Variants in MYO18B observed in about 807,000 individuals in gnomAD.
MYO18B encodes unconventional myosin-XVIIIb.
In MYO18B, 204 loss-of-function variants were observed where a neutral mutation model predicts 273.0. The ratio of observed to expected loss-of-function variants is 0.75; its 90% confidence interval spans 0.67 to 0.84. The LOEUF (loss-of-function observed/expected upper bound fraction) is 0.84, where lower values mean the gene tolerates loss of function less well. Ranked by LOEUF, MYO18B falls within the 40% of genes least tolerant of loss-of-function variation. The probability of loss-of-function intolerance (pLI) is 0.00; values close to 1 mark genes in which losing one functional copy is unlikely to be tolerated. For synonymous variants in MYO18B, 1,330 were observed against 1,305.7 expected (o/e 1.02, Z -0.40); for missense variants, 3,212 against 3,287.6 (o/e 0.98, Z 0.56).
chr22:25,774,567 A>G (rs1208163426), intron 7 of MYO18B, among the ~76,000 whole-genome samples: 1 of 152,100 alleles, frequency 6.6e-6, no homozygotes, highest in African/African-American at 2.4e-5. Flanking sequence ...TCCCTTCCTA[A>G]CCCTGGGGTG....
chr22:25,749,256 T>C (rs2085868972), intron 1 of MYO18B, among the ~76,000 whole-genome samples: 1 of 152,150 alleles, frequency 6.6e-6, no homozygotes, highest in Non-Finnish European at 1.5e-5. Context: ...CCAAGAAATG[T>C]GTGCAGGGTT....
Position 25,967,236 on chromosome 22 carries a change from T to C in MYO18B, c.6156+11872T>C, listed in dbSNP as rs1475775958. On this transcript the variant is annotated intron_variant, in intron 39 of 43. Coordinates refer to ENST00000335473, the MANE Select transcript of MYO18B (RefSeq NM_032608.7). ...AAAAAAGAAAGGGGAGAGATATTGA[T>C]TGAATATGGCAGGAGTATATTAAAT... Among the ~76,000 whole-genome samples, 6 of 152,344 alleles carry C rather than the reference T, an allele frequency of 3.9e-5. No individual in the cohort carries two copies. In the South Asian group the frequency reaches 1.0e-3, roughly 26 times the overall value.
chr22:25,847,620 AC>A lies in MYO18B; in HGVS notation c.3744del (p.His1248GlnfsTer34). 1 of 1,562,274 alleles carries A rather than the reference AC, an allele frequency of 6.4e-7. No homozygotes were observed. Among genetic ancestry groups the A allele is most frequent in the East Asian group, 2.4e-5 (1 of 41,810 alleles). ...CTGAGGGTCCAGCTTGCTGGGTTCC[AC>A]ATCCTGGAGGCTCTGCGTCTGCATA... ...PALRVQLAGF[H>X]ILEALRLHRT... On this transcript the variant is annotated frameshift_variant, in exon 20 of 44. Transcript: ENST00000335473. LOFTEE classifies it high-confidence loss of function.
At chr22:25,810,857 A>G (rs1346340058) in intron 12 of MYO18B, among the ~76,000 whole-genome samples, 1 of 152,126 alleles carries the variant, frequency 6.6e-6, no homozygotes, top group Non-Finnish European at 1.5e-5. Flanking sequence ...GTGATGAACC[A>G]ATACTGATAC....
chr22:25,880,081 T>C (rs2091297414), intron 25 of MYO18B, among the ~76,000 whole-genome samples: 1 of 152,162 alleles, frequency 6.6e-6, no homozygotes, highest in Non-Finnish European at 1.5e-5. Flanking sequence ...TTATGTTGCA[T>C]GTGGTCAGCA....
chr22:25,927,250 C>T (rs1050229286), intron 34 of MYO18B, among the ~76,000 whole-genome samples: 1 of 152,328 alleles, frequency 6.6e-6, no homozygotes, highest in East Asian at 1.9e-4. Flanking sequence ...AGCCATATTT[C>T]TCTTCTTTCA....
chr22:25,777,903 A>C, intron 8 of MYO18B, 122 bp downstream of exon 8: 1 of 946,494 alleles, frequency 1.1e-6, no homozygotes. Context: ...ATATGTGCAG[A>C]CCCCATGCTT....
At chr22:25,898,750 G>A in intron 29 of MYO18B, 1 of 363,688 alleles carries the variant, frequency 2.7e-6, no homozygotes, top group South Asian at 4.1e-5. Flanking sequence ...GTCGAGTGAA[G>A]GGTTTGTTGC....
At chr22:25,759,503 A>G (rs1244365389) in intron 1 of MYO18B, among the ~76,000 whole-genome samples, 1 of 151,844 alleles carries the variant, frequency 6.6e-6, no homozygotes, top group East Asian at 1.9e-4. Flanking sequence ...GGAACATCAC[A>G]CACTGGGGCC....
In MYO18B at chr22:26,027,287, A is replaced by C. The variant is rs1936327373; in HGVS notation, c.7313A>C (p.Lys2438Thr). The C allele has an allele frequency of 6.2e-7, 1 of 1,614,012 alleles. No homozygotes were observed. Among genetic ancestry groups the C allele is most frequent in the East Asian group, 2.2e-5 (1 of 44,868 alleles). Residue 2438 changes from lysine (K) to threonine (T), a missense_variant, in exon 43 of 44, where the codon AAA becomes ACA. Coordinates refer to ENST00000335473, the MANE Select transcript of MYO18B (RefSeq NM_032608.7). The surrounding 1 kb of genome is among the most constrained non-coding windows in gnomAD (Gnocchi z 4.1). ...AGCCTCGACTACGAACGCAAGACCA[A>C]AGTGGACTTCGATGACTTCCTCCCA... ...LPSLDYERKT[K>T]VDFDDFLPAI...
chr22:25,859,307 T>C (rs955707668), intron 21 of MYO18B, among the ~76,000 whole-genome samples: 2 of 152,224 alleles, frequency 1.3e-5, no homozygotes, highest in African/African-American at 4.8e-5. Context: ...CTGACTATTA[T>C]GAAAAAGGAT....
At chr22:25,790,591 G>A (rs1406317030) in intron 11 of MYO18B, among the ~76,000 whole-genome samples, 1 of 152,214 alleles carries the variant, frequency 6.6e-6, no homozygotes, top group Non-Finnish European at 1.5e-5. Context: ...CTAGCACTCA[G>A]CCAGGCATAC....
chr22:25,960,396 G>A (rs141600706), intron 39 of MYO18B, among the ~76,000 whole-genome samples: 3 of 152,248 alleles, frequency 2.0e-5, no homozygotes, highest in East Asian at 3.9e-4. Flanking sequence ...TGATGCTGAC[G>A]GGAAGGCCTG....
At chr22:26,060,807 C>T in the MYO18B span, among the ~76,000 whole-genome samples, 3 of 146,694 alleles carry the variant, frequency 2.0e-5, no homozygotes, top group Admixed American at 6.9e-5. Context: ...CATATATGCA[C>T]ATAAACACAT....
intron 31 of MYO18B, among the ~76,000 whole-genome samples, chr22:25,907,516 A>G (rs1300415622): frequency 2.0e-5 from 3 of 152,226 alleles, no homozygotes; most frequent in African/African-American, 7.2e-5. Flanking sequence ...ATCATCATTT[A>G]ATTCTCATAG....
the MYO18B span, among the ~76,000 whole-genome samples, chr22:26,043,849 T>C: frequency 8.4e-3 from 1,276 of 152,190 alleles, 19 homozygotes; most frequent in African/African-American, 0.028. Context: ...GGTCTTACTA[T>C]GTTGCTCAGG....
At chr22:25,778,974 G>A (rs948659642) in intron 8 of MYO18B, among the ~76,000 whole-genome samples, 2 of 152,080 alleles carry the variant, frequency 1.3e-5, no homozygotes, top group African/African-American at 4.8e-5. Context: ...AACCATTGTG[G>A]CAGTGTTCTC....
intron 32 of MYO18B, among the ~76,000 whole-genome samples, chr22:25,908,812 C>T (rs889375027): frequency 9.2e-5 from 14 of 152,128 alleles, no homozygotes; most frequent in African/African-American, 3.4e-4. Context: ...GTAGCCATTC[C>T]GAACAGTGTG....
At chr22:25,858,877 GGTT>G (rs2090650133) in intron 21 of MYO18B, among the ~76,000 whole-genome samples, 2 of 152,164 alleles carry the variant, frequency 1.3e-5, no homozygotes, top group Non-Finnish European at 2.9e-5. Context: ...TAGCTTAACA[GGTT>G]AAGGATACAG....
Sources: allele counts gnomAD v4.1 joint callset (sites outside exome capture counted in the v4.1 genomes callset), GRCh38; gene constraint gnomAD v4.1.1; non-coding constraint Gnocchi (gnomAD v3.1); transcripts MANE v1.5; gene names NCBI Gene and HGNC (gene_info 2026-07-23, HGNC 2026-07-21).